The following ASIC2 variants were observed in gnomAD, a reference collection of about 807,000 sequenced individuals.
ASIC2 encodes the protein acid sensing ion channel subunit 2, also known as acid-sensing ion channel 2.
In ASIC2, 25 loss-of-function variants were observed where a neutral mutation model predicts 57.3. The ratio of observed to expected loss-of-function variants is 0.44; its 90% CI spans 0.32 to 0.61. The LOEUF (loss-of-function observed/expected upper bound fraction) is 0.61, where lower values mean the gene tolerates loss of function less well. Ranked by LOEUF, ASIC2 falls within the 20% of genes least tolerant of loss-of-function variation. ASIC2 has a pLI of 0.06. For synonymous variants in ASIC2, 319 were observed against 307.5 expected (o/e 1.04, Z -0.39); for missense variants, 641 against 738.1 (o/e 0.87, Z 1.52).
intron 1 of ASIC2, among the ~76,000 whole-genome samples, chr17:33,956,182 G>T (rs1013549657): frequency 5.9e-5 from 9 of 152,194 alleles, no homozygotes; most frequent in African/African-American, 2.2e-4. Flanking sequence ...TGCTTGGGCA[G>T]TGATCCAAGC....
chr17:33,030,368 C>T (rs2091877983), intron 3 of ASIC2, among the ~76,000 whole-genome samples: 1 of 152,158 alleles, frequency 6.6e-6, no homozygotes, highest in Non-Finnish European at 1.5e-5. Context: ...TAGAATCAGA[C>T]AGTATGCATT....
chr17:33,384,534 G>T (rs1446558170), intron 1 of ASIC2, among the ~76,000 whole-genome samples: 1 of 152,118 alleles, frequency 6.6e-6, no homozygotes, highest in African/African-American at 2.4e-5. Flanking sequence ...AGTTATGTCT[G>T]TTTACCTGTT....
chr17:33,027,468 G>A (rs2091864084), intron 4 of ASIC2, among the ~76,000 whole-genome samples: 1 of 152,148 alleles, frequency 6.6e-6, no homozygotes, highest in Non-Finnish European at 1.5e-5. Context: ...ATGACTTTTG[G>A]TTCCCTCTTT....
intron 1 of ASIC2, among the ~76,000 whole-genome samples, chr17:34,057,109 G>A (rs74971381): frequency 1.3e-5 from 2 of 151,980 alleles, no homozygotes; most frequent in Non-Finnish European, 2.9e-5. Flanking sequence ...TCAACCTTTT[G>A]TTGGGCACTA....
rs545017637 is a variant in ASIC2, at chr17:34,006,053, AC to A, written c.555+149924del. ...GCTTATAGCCAAATGGGAAAGACAG[AC>A]CAAAAATAAATAAGCCAGCAACTCA... On this transcript the variant is annotated intron_variant, in intron 1 of 9. Coordinates refer to the ASIC2 transcript ENST00000359872. 2.0e-5 allele frequency: 3 copies of A among 152,356 alleles called. No individual in the cohort carries two copies. In the South Asian group the frequency reaches 6.2e-4, roughly 32 times the overall value. 9.4% of individuals were successfully genotyped at this position (152,356 alleles called of 1,614,324 possible).
At chr17:33,344,955 C>G (rs547080936) in intron 1 of ASIC2, among the ~76,000 whole-genome samples, 1 of 150,828 alleles carries the variant, frequency 6.6e-6, no homozygotes, top group South Asian at 2.1e-4. Flanking sequence ...TAGCTGGGGA[C>G]AGCGGCTTGA....
chr17:33,230,244 A>C (rs1266073339), intron 1 of ASIC2, among the ~76,000 whole-genome samples: 1 of 152,270 alleles, frequency 6.6e-6, no homozygotes, highest in Non-Finnish European at 1.5e-5. Context: ...GATAGAAGCC[A>C]GCTATGGGCT....
At chr17:34,097,803 T>C (rs1910601055) in intron 1 of ASIC2, among the ~76,000 whole-genome samples, 1 of 152,144 alleles carries the variant, frequency 6.6e-6, no homozygotes, top group South Asian at 2.1e-4. Context: ...TATCTCACTT[T>C]ACCCTCCCCC....
chr17:33,871,638 C>T (rs1300522292), intron 1 of ASIC2, among the ~76,000 whole-genome samples: 2 of 152,156 alleles, frequency 1.3e-5, no homozygotes, highest in African/African-American at 4.8e-5. Context: ...TGTCTTCTCT[C>T]AGGGCAGCCT....
At chr17:33,294,597 A>G (rs1905643965), upstream of ASIC2, among the ~76,000 whole-genome samples, 1 of 152,050 alleles carries the variant, frequency 6.6e-6, no homozygotes, top group Non-Finnish European at 1.5e-5. Flanking sequence ...ACAGTCACAC[A>G]TGTACAAGCA....
At chr17:33,458,202 C>G (rs1487796530) in intron 1 of ASIC2, among the ~76,000 whole-genome samples, 1 of 152,062 alleles carries the variant, frequency 6.6e-6, no homozygotes, top group Non-Finnish European at 1.5e-5. Flanking sequence ...GGTTGGGGAA[C>G]AAGAAACTAA....
chr17:33,155,528 C>CTTT (rs796954505), intron 1 of ASIC2, among the ~76,000 whole-genome samples: 2,516 of 142,066 alleles, frequency 0.018, 74 homozygotes, highest in African/African-American at 0.062. Flanking sequence ...ACAAGCCTTA[C>CTTT]TTTTTTTTTT....
chr17:34,127,790 A>G (rs1174164130), intron 1 of ASIC2, among the ~76,000 whole-genome samples: 2 of 152,184 alleles, frequency 1.3e-5, no homozygotes, highest in African/African-American at 4.8e-5. Context: ...CCATGCAAGG[A>G]AAAGAATATG....
chr17:34,023,939 T>C (rs368141125), intron 1 of ASIC2, among the ~76,000 whole-genome samples: 2 of 152,304 alleles, frequency 1.3e-5, no homozygotes, highest in African/African-American at 2.4e-5. Flanking sequence ...TGTATCCCTA[T>C]AACATACAGA....
intron 1 of ASIC2, among the ~76,000 whole-genome samples, chr17:34,045,977 T>C (rs963780941): frequency 2.0e-5 from 3 of 152,140 alleles, no homozygotes; most frequent in Non-Finnish European, 4.4e-5. Context: ...AAACTCCCAC[T>C]TTTGCCCTCT....
At chr17:33,957,182 G>C (rs17783821) in intron 1 of ASIC2, among the ~76,000 whole-genome samples, 17,581 of 152,128 alleles carry the variant, frequency 0.12, 1,126 homozygotes, top group Middle Eastern at 0.17. Flanking sequence ...CATATCCAAA[G>C]CTCTGAATTC....
rs551233926 is a variant in ASIC2, at chr17:33,047,628, C to G, written c.988-19236G>C. 3.3e-4 allele frequency among the ~76,000 whole-genome samples: 51 copies of G among 152,320 alleles called. 1 individual carries two copies. The South Asian group carries it at 5.0e-3, about 15-fold the overall frequency. On this transcript the variant is annotated intron_variant, in intron 3 of 9. Transcript: ENST00000225823. ...GTGCTGGGATTACAGGCATGAGCCA[C>G]TATGCCTGGCCTTACTTTACAGCAA...
intron 1 of ASIC2, among the ~76,000 whole-genome samples, chr17:33,964,682 C>A (rs1597952441): frequency 6.6e-6 from 1 of 152,228 alleles, no homozygotes; most frequent in South Asian, 2.1e-4. Context: ...TGCTGCTACA[C>A]CCCATCTGGC....
At chr17:33,506,238 CA>C (rs533194191) in intron 1 of ASIC2, among the ~76,000 whole-genome samples, 8,049 of 114,084 alleles carry the variant, frequency 0.071, 234 homozygotes, top group Middle Eastern at 0.11. Flanking sequence ...ACTAAAAATA[CA>C]AAAAAAAAAA....
Sources: gnomAD v4.1 joint callset for allele counts (sites outside exome capture counted in the v4.1 genomes callset) on GRCh38, gnomAD v4.1.1 for gene constraint, MANE v1.5 for transcripts, NCBI Gene and HGNC (gene_info 2026-07-23, HGNC 2026-07-21) for gene names.